The following EYA2 variants were observed in gnomAD, a reference collection of about 807,000 sequenced individuals.
The protein encoded by EYA2 is EYA transcriptional coactivator and phosphatase 2.
In EYA2, 31 loss-of-function variants were observed where a neutral mutation model predicts 69.2. That is an observed-to-expected ratio of 0.45 (90% confidence interval 0.34 to 0.60). The LOEUF (loss-of-function observed/expected upper bound fraction) is 0.60. Among genes scored for constraint, EYA2 ranks in the 20% least tolerant of loss-of-function variants. The pLI is 0.02. For missense variants in EYA2, 622 were observed against 701.2 expected, an observed-to-expected ratio of 0.89 and a Z score of 1.28; for synonymous variants, 257 against 279.4, an observed-to-expected ratio of 0.92 and a Z score of 0.80.
At chr20:47,017,661 G>T (rs1307491246) in intron 5 of EYA2, among the ~76,000 whole-genome samples, 2 of 152,156 alleles carry the variant, frequency 1.3e-5, no homozygotes, top group Non-Finnish European at 2.9e-5. Flanking sequence ...CTGTGTCCAA[G>T]TTTGTCAGTG....
intron 9 of EYA2, among the ~76,000 whole-genome samples, chr20:47,107,818 GAAGAAGAAAT>G (rs1398259104): frequency 5.9e-5 from 9 of 151,952 alleles, no homozygotes; most frequent in South Asian, 2.1e-4. Flanking sequence ...GAAGGGGAAA[GAAGAAGAAAT>G]AAGAAGAAAT....
At chr20:46,902,008 C>T (rs1984139395) in intron 1 of EYA2, among the ~76,000 whole-genome samples, 1 of 152,146 alleles carries the variant, frequency 6.6e-6, no homozygotes, top group Admixed American at 6.6e-5. Flanking sequence ...AGAAAGAATG[C>T]CTTAAACTCA....
chr20:47,035,438 A>G lies in EYA2; in HGVS notation c.415+19141A>G, dbSNP rs971559594. Among the ~76,000 whole-genome samples, 13 of 152,234 alleles carry G rather than the reference A, an allele frequency of 8.5e-5. No individual in the cohort carries two copies. The South Asian group carries it at 2.5e-3, about 29-fold the overall frequency. Reference sequence around the variant, plus strand: ...CAAAGATCTCAAAACACTGAAGCAGACCGTACCAAATTGACTTTATTGTTT... The same window carrying G: ...CAAAGATCTCAAAACACTGAAGCAGGCCGTACCAAATTGACTTTATTGTTT... On this transcript the variant is annotated intron_variant, in intron 5 of 15. Transcript: ENST00000327619.
At chr20:46,963,004 G>T (rs1001942688) in intron 1 of EYA2, among the ~76,000 whole-genome samples, 3 of 152,286 alleles carry the variant, frequency 2.0e-5, no homozygotes, top group African/African-American at 7.2e-5. Context: ...AAATACCACT[G>T]CTCCCTCGCT....
At chr20:47,015,193 G>A (rs1374990046) in intron 4 of EYA2, among the ~76,000 whole-genome samples, 1 of 152,182 alleles carries the variant, frequency 6.6e-6, no homozygotes, top group African/African-American at 2.4e-5. Flanking sequence ...TCAGGGATAG[G>A]AAGAGACTCT....
intron 8 of EYA2, among the ~76,000 whole-genome samples, chr20:47,090,515 C>T (rs1019199364): frequency 4.6e-5 from 7 of 151,842 alleles, no homozygotes; most frequent in Non-Finnish European, 8.8e-5. Context: ...GCTGAGATTA[C>T]AGGCGTGAGC....
chr20:46,982,962 TG>T (rs5841663), intron 1 of EYA2, among the ~76,000 whole-genome samples: 16,497 of 151,720 alleles, frequency 0.11, 1,300 homozygotes, highest in East Asian at 0.26. Flanking sequence ...TTAGTAGAGG[TG>T]GGGTTTCACC....
At chr20:47,130,029 C>T (rs1204051864) in intron 9 of EYA2, among the ~76,000 whole-genome samples, 8 of 151,264 alleles carry the variant, frequency 5.3e-5, no homozygotes, top group Non-Finnish European at 1.0e-4. Context: ...CCAACCCCCA[C>T]CACGGATCAG....
chr20:47,095,586 A>T (rs893647552), intron 8 of EYA2, among the ~76,000 whole-genome samples: 2 of 152,154 alleles, frequency 1.3e-5, no homozygotes, highest in African/African-American at 4.8e-5. Flanking sequence ...TTAAAATTCT[A>T]GAAAGAAAAA....
chr20:47,097,132 C>A lies in EYA2; in HGVS notation c.852C>A (p.Ser284=). ...DLDETIIIFH[S]LLTGTFASRY... ...ATGAGACAATAATTATTTTTCACTC[C>A]TTACTCACGGGGACATTTGCATCCA... The change falls in exon 9 of 16, where the codon TCC becomes TCA. Residue 284 remains serine, a synonymous_variant. Coordinates refer to ENST00000327619, the MANE Select transcript of EYA2 (RefSeq NM_005244.5). 1 of 1,611,260 alleles carries A rather than the reference C, an allele frequency of 6.2e-7. No individual in the cohort carries two copies. The highest frequency in any genetic ancestry group is 8.5e-7 in the Non-Finnish European group (1 of 1,179,014).
At chr20:47,047,396 C>CTTTTTTTTTTTTTTTT (rs775373584) in intron 5 of EYA2, among the ~76,000 whole-genome samples, 1 of 148,164 alleles carries the variant, frequency 6.7e-6, no homozygotes, top group Non-Finnish European at 1.5e-5. Context: ...CTCTCTCTCT[C>CTTTTTTTTTTTTTTTT]TTTTTTTTGA....
chr20:47,016,264 A>C lies in EYA2; in HGVS notation c.382A>C (p.Thr128Pro). 2 of 1,613,982 alleles carry C rather than the reference A, an allele frequency of 1.2e-6. No individual in the cohort carries two copies. The highest frequency in any genetic ancestry group is 1.7e-5 in the Admixed American group (1 of 60,012). ...SYGSSFSTSP[T>P]GQSPYTYQMH... ...TGGCTCCAGCTTCAGCACCTCACCC[A>C]CTGGACAGAGCCCATACACCTACCA... is the stretch of plus-strand genomic sequence containing the variant. The change falls in exon 5 of 16, where the codon ACT becomes CCT. Residue 128 changes from threonine to proline, a missense_variant. Physicochemically the swap from Thr to Pro is conservative, Grantham distance 38. Coordinates refer to ENST00000327619, the MANE Select transcript of EYA2 (RefSeq NM_005244.5).
chr20:46,998,412 G>A (rs1313786063), intron 2 of EYA2: 2 of 152,412 alleles, frequency 1.3e-5, no homozygotes, highest in East Asian at 3.9e-4. Flanking sequence ...CCTACTTCCT[G>A]GTACTGTGAT....
chr20:46,942,497 G>A (rs1042456735), intron 1 of EYA2, among the ~76,000 whole-genome samples: 1 of 152,222 alleles, frequency 6.6e-6, no homozygotes, highest in Non-Finnish European at 1.5e-5. Flanking sequence ...AGACATTTTT[G>A]TGTAGTTGTG....
chr20:47,172,428 C>T (rs1428236792), intron 11 of EYA2, among the ~76,000 whole-genome samples: 2 of 151,970 alleles, frequency 1.3e-5, no homozygotes, highest in East Asian at 1.9e-4. Flanking sequence ...TGGGCAACAG[C>T]GCAAGACCCT....
At chr20:47,129,680 G>A (rs935746663) in intron 9 of EYA2, among the ~76,000 whole-genome samples, 1 of 152,164 alleles carries the variant, frequency 6.6e-6, no homozygotes, top group Non-Finnish European at 1.5e-5. Flanking sequence ...GACAAGGGAG[G>A]CTAGCTGCCT....
chr20:46,914,081 G>A (rs1310641523), intron 1 of EYA2, among the ~76,000 whole-genome samples: 1 of 152,150 alleles, frequency 6.6e-6, no homozygotes, highest in Non-Finnish European at 1.5e-5. Context: ...GACAACAGGA[G>A]AACTCTGCAG....
At chr20:46,967,541 T>C (rs1979864658) in intron 1 of EYA2, among the ~76,000 whole-genome samples, 1 of 152,194 alleles carries the variant, frequency 6.6e-6, no homozygotes, top group Non-Finnish European at 1.5e-5. Context: ...GTGATTTTTA[T>C]GCAGAAACCT....
chr20:47,157,396 T>C (rs2033975446), intron 10 of EYA2, among the ~76,000 whole-genome samples: 1 of 140,130 alleles, frequency 7.1e-6, no homozygotes, highest in African/African-American at 2.6e-5. Context: ...CTAAGTATCA[T>C]ACCTGTGGGA....
Sources: allele counts gnomAD v4.1 joint callset (sites outside exome capture counted in the v4.1 genomes callset), GRCh38; gene constraint gnomAD v4.1.1; transcripts MANE v1.5; gene names NCBI Gene and HGNC (gene_info 2026-07-23, HGNC 2026-07-21).